The following AP1B1 variants were observed in gnomAD, a reference collection of about 807,000 sequenced individuals.
AP1B1 encodes AP-1 complex subunit beta-1.
In AP1B1, 36 loss-of-function variants were observed where a neutral mutation model predicts 104.3. That is an observed-to-expected ratio of 0.35 (90% confidence interval 0.26 to 0.46). AP1B1 has a LOEUF of 0.46. Among genes scored for constraint, AP1B1 ranks in the 20% least tolerant of loss-of-function variants. AP1B1 has a pLI of 1.00. For synonymous variants in AP1B1, 504 were observed against 517.5 expected, an observed-to-expected ratio of 0.97 and a Z score of 0.35; for missense variants, 901 against 1,247.9, an observed-to-expected ratio of 0.72 and a Z score of 4.19.
chr22:29,363,907 G>A (rs1415288863), intron 2 of AP1B1, among the ~76,000 whole-genome samples: 1 of 151,736 alleles, frequency 6.6e-6, no homozygotes, highest in African/African-American at 2.4e-5. Context: ...AAAAAAAAAA[G>A]TTTAGAGGCC....
intron 11 of AP1B1, among the ~76,000 whole-genome samples, chr22:29,344,755 G>C (rs1040662329): frequency 6.6e-6 from 1 of 152,014 alleles, no homozygotes; most frequent in Non-Finnish European, 1.5e-5. Context: ...CTGACCTAAA[G>C]TGATCCACCC....
chr22:29,347,755 T>C lies in AP1B1; in HGVS notation c.1437+1463A>G, dbSNP rs962620640. 5.9e-5 allele frequency among the ~76,000 whole-genome samples: 9 copies of C among 152,334 alleles called. No homozygotes were observed. In the South Asian group the frequency reaches 1.5e-3, roughly 25 times the overall value. ...GTAAGGAGAGGGCAATCCCAGCATC[T>C]GAGATAGGAGTCTAAACCAGCACAA... On this transcript the variant is annotated intron_variant, in intron 11 of 22. Coordinates refer to ENST00000357586, the MANE Select transcript of AP1B1 (RefSeq NM_001127.4).
intron 1 of AP1B1, among the ~76,000 whole-genome samples, chr22:29,382,022 A>C (rs1310029794): frequency 1.4e-5 from 2 of 147,692 alleles, no homozygotes; most frequent in African/African-American, 2.5e-5. Flanking sequence ...AAAAAGAAAC[A>C]AAAAAAAAAT....
Position 29,334,272 on chromosome 22 carries a change from G to C in AP1B1, c.2302C>G (p.Arg768Gly). The change falls in exon 17 of 23, where the codon CGC (arginine) becomes GGC (glycine). Residue 768 changes from arginine to glycine, a missense_variant. Arg to Gly is a moderately radical substitution (Grantham distance 125). Transcript: ENST00000357586. ...VMTDFAIQFN[R>G]NSFGLAPAAP... ...GCCTCAGGGAGCTCTCACCTGTTGC[G>C]GTTGAACTGGATGGCAAAGTCGGTC... The C allele has an allele frequency of 6.3e-7, 1 of 1,598,114 alleles. No homozygotes were observed. The highest frequency in any genetic ancestry group is 8.5e-7 in the Non-Finnish European group (1 of 1,173,626).
chr22:29,368,629 G>T (rs554894246), intron 1 of AP1B1, among the ~76,000 whole-genome samples: 3 of 152,276 alleles, frequency 2.0e-5, no homozygotes, highest in South Asian at 4.1e-4. Context: ...CAAATGGCTT[G>T]TAAGTGGCTG....
intron 1 of AP1B1, among the ~76,000 whole-genome samples, chr22:29,385,574 T>C (rs1254129514): frequency 6.6e-6 from 1 of 152,196 alleles, no homozygotes; most frequent in African/African-American, 2.4e-5. Context: ...GAGCCACTGA[T>C]GAATTTTCAA....
intron 22 of AP1B1, chr22:29,329,398 G>A (rs1303127289): frequency 2.4e-6 from 3 of 1,272,216 alleles, no homozygotes; most frequent in Non-Finnish European, 3.0e-6. Flanking sequence ...CACAGGCAGA[G>A]GAGAGAGGAG....
chr22:29,357,575 A>G (rs1180964050), intron 5 of AP1B1, among the ~76,000 whole-genome samples: 2 of 152,088 alleles, frequency 1.3e-5, no homozygotes, highest in African/African-American at 2.4e-5. Flanking sequence ...TATGTTGGCC[A>G]GGCTGGTCTT....
chr22:29,385,424 G>C (rs553462018), intron 1 of AP1B1, among the ~76,000 whole-genome samples: 5 of 152,304 alleles, frequency 3.3e-5, no homozygotes, highest in African/African-American at 9.6e-5. Context: ...GAAGTAGCAA[G>C]TAGCTGAGGT....
chr22:29,363,411 A>G (rs2062081618), intron 2 of AP1B1, among the ~76,000 whole-genome samples: 1 of 152,238 alleles, frequency 6.6e-6, no homozygotes, highest in South Asian at 2.1e-4. Flanking sequence ...GCACTTTGGG[A>G]GTCCGAGGCA....
intron 1 of AP1B1, among the ~76,000 whole-genome samples, chr22:29,379,051 T>G (rs1267315484): frequency 6.6e-6 from 1 of 151,128 alleles, no homozygotes; most frequent in African/African-American, 2.4e-5. Flanking sequence ...TGCGGAAAGA[T>G]CTGCTGTGAA....
chr22:29,381,084 C>T (rs1331229414), intron 1 of AP1B1, among the ~76,000 whole-genome samples: 3 of 152,182 alleles, frequency 2.0e-5, no homozygotes, highest in Non-Finnish European at 2.9e-5. Context: ...GGCCTTTGCC[C>T]GTGCTATTCA....
chr22:29,359,879 T>C lies in AP1B1; in HGVS notation c.224A>G (p.Asn75Ser). ...LKKLVYLYLM[N>S]YAKSQPDMAI... ...CATGTCAGGCTGACTCTTGGCGTAA[T>C]TCATCAAGTAGAGGTATACTAGCTT... Residue 75 changes from asparagine (N) to serine (S), a missense_variant, in exon 4 of 23, where the codon AAT becomes AGT. By Grantham distance (46) the Asn-to-Ser change is conservative. Coordinates refer to ENST00000357586, the MANE Select transcript of AP1B1 (RefSeq NM_001127.4). The C allele has an allele frequency of 1.9e-6, 3 of 1,614,000 alleles. No individual in the cohort carries two copies. Among genetic ancestry groups the C allele is most frequent in the Non-Finnish European group, 2.5e-6 (3 of 1,179,960 alleles).
intron 11 of AP1B1, 71 bp downstream of exon 11, chr22:29,349,147 A>T (rs1046281916): frequency 6.4e-7 from 1 of 1,561,866 alleles, no homozygotes; most frequent in South Asian, 1.1e-5. Flanking sequence ...GGAGGGTTTC[A>T]TGGCAGTATG....
chr22:29,374,967 G>A (rs370426829), intron 1 of AP1B1, among the ~76,000 whole-genome samples: 3 of 152,176 alleles, frequency 2.0e-5, no homozygotes, highest in African/African-American at 7.2e-5. Context: ...AGGCCAGCCT[G>A]GGCAACACAG....
chr22:29,339,778 C>T lies in AP1B1; in HGVS notation c.1999-4G>A. 1.2e-6 allele frequency: 2 copies of T among 1,607,170 alleles called. No individual in the cohort carries two copies. Among genetic ancestry groups the T allele is most frequent in the South Asian group, 1.1e-5 (1 of 89,870 alleles). On this transcript the variant is annotated splice_region_variant and splice_polypyrimidine_tract_variant and intron_variant, in intron 14 of 22. Transcript: ENST00000357586. ...CCCCTTCAGGCTCATCCCCCATCTC[C>T]AAGCAGAAGCAGGCAGGTGAAGAGA...
chr22:29,368,803 T>C (rs1369046786), intron 1 of AP1B1, among the ~76,000 whole-genome samples: 2 of 151,112 alleles, frequency 1.3e-5, no homozygotes, highest in African/African-American at 2.4e-5. Flanking sequence ...TGCACACCTG[T>C]AGTCCCATCT....
intron 1 of AP1B1, among the ~76,000 whole-genome samples, chr22:29,367,824 T>G (rs544216029): frequency 1.1e-4 from 16 of 152,208 alleles, no homozygotes; most frequent in Non-Finnish European, 1.9e-4. Flanking sequence ...CTTAAAAGGC[T>G]AGGGAGACTT....
chr22:29,329,557 T>G, intron 22 of AP1B1, 155 bp downstream of exon 22: 20 of 1,492,936 alleles, frequency 1.3e-5, no homozygotes, highest in Non-Finnish European at 1.8e-5. Context: ...GGAAGTGGGG[T>G]GTCAGCACCT....
Sources: allele counts gnomAD v4.1 joint callset (sites outside exome capture counted in the v4.1 genomes callset), GRCh38; gene constraint gnomAD v4.1.1; transcripts MANE v1.5; gene names NCBI Gene and HGNC (gene_info 2026-07-23, HGNC 2026-07-21).